BRINP1: variants seen among roughly 807,000 people sequenced by gnomAD.
The protein encoded by BRINP1 is BMP/retinoic acid inducible neural specific 1.
BRINP1 carries 17 observed loss-of-function variants against 72.9 expected under a neutral mutation model. That is an observed-to-expected ratio of 0.23 (90% CI 0.16 to 0.35). The LOEUF is 0.35. Ranked by LOEUF, BRINP1 falls within the 10% of genes least tolerant of loss-of-function variation. The probability of loss-of-function intolerance (pLI) is 1.00; values close to 1 mark genes in which losing one functional copy is unlikely to be tolerated. For missense variants in BRINP1, 850 were observed against 1,001.6 expected, an observed-to-expected ratio of 0.85 and a Z score of 2.04; for synonymous variants, 418 against 378.5, an observed-to-expected ratio of 1.10 and a Z score of -1.21.
chr9:119,183,761 T>C (rs1829581960), intron 7 of BRINP1, among the ~76,000 whole-genome samples: 1 of 152,316 alleles, frequency 6.6e-6, no homozygotes, highest in Non-Finnish European at 1.5e-5. Context: ...ATTTTGATCC[T>C]CACAATTGAT....
rs374043618 is a variant in BRINP1 at position 119,211,991 on chromosome 9, G to GT, written c.922+1927dup. Among the ~76,000 whole-genome samples the GT allele has an allele frequency of 2.7e-3, 404 of 148,216 alleles. 4 individuals are homozygous for GT. Among genetic ancestry groups the GT allele is most frequent in the South Asian group, 0.025 (114 of 4,644 alleles). The stretch of plus-strand genomic sequence containing the variant: ...TGTGCATATAGCCTAAATTCCCTCT[G>GT]TTTTTTTTTTGTTTGTTTTTGTTTT... On this transcript the variant is annotated intron_variant, in intron 6 of 7. Transcript: ENST00000265922.
chr9:119,343,839 A>G (rs1831426702), intron 1 of BRINP1, among the ~76,000 whole-genome samples: 1 of 152,176 alleles, frequency 6.6e-6, no homozygotes, highest in South Asian at 2.1e-4. Flanking sequence ...ACTCAACAAT[A>G]TATGATTGTT....
chr9:119,325,319 C>T (rs2119007137), intron 1 of BRINP1, among the ~76,000 whole-genome samples: 1 of 152,298 alleles, frequency 6.6e-6, no homozygotes, highest in South Asian at 2.1e-4. Flanking sequence ...ACTTTCCTGT[C>T]TCCCAGTATT....
intron 3 of BRINP1, among the ~76,000 whole-genome samples, 198 bp downstream of exon 3, chr9:119,248,762 G>A (rs984523984): frequency 6.6e-6 from 1 of 152,192 alleles, no homozygotes; most frequent in Non-Finnish European, 1.5e-5. Flanking sequence ...AAATTAGACT[G>A]TCCCATAGAA....
intron 1 of BRINP1, among the ~76,000 whole-genome samples, chr9:119,353,944 C>CA (rs1831532353): frequency 7.2e-6 from 1 of 138,856 alleles, no homozygotes; most frequent in Non-Finnish European, 1.5e-5. Flanking sequence ...AGATCTGGAA[C>CA]AATCTTGGAG....
At chr9:119,212,621 C>A (rs1401849967) in intron 6 of BRINP1, among the ~76,000 whole-genome samples, 1 of 152,172 alleles carries the variant, frequency 6.6e-6, no homozygotes, top group Non-Finnish European at 1.5e-5. Flanking sequence ...GTTAGTACTT[C>A]CTTTAAGGTG....
At chr9:119,305,040 C>A (rs2118987512) in intron 2 of BRINP1, among the ~76,000 whole-genome samples, 1 of 152,354 alleles carries the variant, frequency 6.6e-6, no homozygotes, top group South Asian at 2.1e-4. Context: ...GCTAATCACA[C>A]ATGGTACAAT....
chr9:119,223,361 T>A (rs888038865), intron 5 of BRINP1, among the ~76,000 whole-genome samples: 28 of 152,086 alleles, frequency 1.8e-4, no homozygotes, highest in African/African-American at 6.8e-4. Flanking sequence ...ATAGCACTTG[T>A]GGAGCTCTTA....
intron 1 of BRINP1, among the ~76,000 whole-genome samples, chr9:119,350,152 C>T (rs1157914614): frequency 1.3e-5 from 2 of 152,160 alleles, no homozygotes; most frequent in African/African-American, 2.4e-5. Context: ...CAACATCCAA[C>T]GTGTGGTGGG....
At chr9:119,347,988 T>C (rs1049116406) in intron 1 of BRINP1, among the ~76,000 whole-genome samples, 1 of 152,138 alleles carries the variant, frequency 6.6e-6, no homozygotes, top group African/African-American at 2.4e-5. Context: ...CCAAAGTCCA[T>C]AGTTTACATT....
At chr9:119,219,683 GAGA>G (rs1291658605) in intron 5 of BRINP1, among the ~76,000 whole-genome samples, 1 of 136,668 alleles carries the variant, frequency 7.3e-6, no homozygotes, top group African/African-American at 3.3e-5. Context: ...GAGAGAGAGA[GAGA>G]GAGAGAGAGA....
At chr9:119,172,232 C>A (rs548957925) in intron 7 of BRINP1, among the ~76,000 whole-genome samples, 47 of 152,262 alleles carry the variant, frequency 3.1e-4, no homozygotes, top group African/African-American at 1.1e-3. Context: ...TGATAGACTA[C>A]TAGCAAGACT....
chr9:119,167,545 T>C lies in BRINP1; in HGVS notation c.1825A>G (p.Lys609Glu). 6.2e-7 allele frequency: 1 copy of C among 1,614,126 alleles called. No individual in the cohort carries two copies. Among genetic ancestry groups the C allele is most frequent in the Non-Finnish European group, 8.5e-7 (1 of 1,180,010 alleles). Residue 609 changes from lysine to glutamate, a missense_variant, in exon 8 of 8, where the codon AAA (lysine) becomes GAA (glutamate). Transcript: ENST00000265922. The surrounding 1 kb of genome is among the most constrained non-coding windows in gnomAD (Gnocchi z 4.3). The stretch of plus-strand genomic sequence containing the variant: ...ATGTGGACCGTCTCGAAAAATGTTT[T>C]CCACCGATTGCCCAGCAAAAGAGTC... Reference protein sequence around the residue: ...NWTLLLGNRWKTFFETVHIYL... With the variant: ...NWTLLLGNRWETFFETVHIYL...
chr9:119,299,018 CTCAA>C (rs934735544), intron 2 of BRINP1, among the ~76,000 whole-genome samples: 7 of 151,948 alleles, frequency 4.6e-5, no homozygotes, highest in African/African-American at 1.2e-4. Context: ...TGAGGAATGG[CTCAA>C]TCAAATTAAT....
chr9:119,340,369 T>C (rs1289793465), intron 1 of BRINP1, among the ~76,000 whole-genome samples: 2 of 151,556 alleles, frequency 1.3e-5, no homozygotes, highest in African/African-American at 4.9e-5. Context: ...GGGGCTAAAA[T>C]CCATGAGTAG....
At chr9:119,353,912 T>C (rs1015756063) in intron 1 of BRINP1, among the ~76,000 whole-genome samples, 1 of 146,960 alleles carries the variant, frequency 6.8e-6, no homozygotes, top group African/African-American at 2.5e-5. Context: ...GGAAGCACTA[T>C]TTAGACAGAG....
intron 2 of BRINP1, among the ~76,000 whole-genome samples, chr9:119,261,205 C>T (rs753647203): frequency 3.3e-5 from 5 of 152,020 alleles, no homozygotes; most frequent in South Asian, 4.2e-4. Flanking sequence ...CAGAATCCAA[C>T]GGGTGGTTGG....
At chr9:119,293,332 T>C (rs975664842) in intron 2 of BRINP1, among the ~76,000 whole-genome samples, 1 of 152,154 alleles carries the variant, frequency 6.6e-6, no homozygotes, top group African/African-American at 2.4e-5. Context: ...TCTCTTCTTG[T>C]AAATGTCACC....
At chr9:119,358,593 C>A (rs149573692) in intron 1 of BRINP1, among the ~76,000 whole-genome samples, 25 of 152,218 alleles carry the variant, frequency 1.6e-4, no homozygotes, top group African/African-American at 5.8e-4. Context: ...ACTCAGGAGG[C>A]TGAGGCAGGA....
Sources: allele counts gnomAD v4.1 joint callset (sites outside exome capture counted in the v4.1 genomes callset), GRCh38; gene constraint gnomAD v4.1.1; non-coding constraint Gnocchi (gnomAD v3.1); transcripts MANE v1.5; gene names NCBI Gene and HGNC (gene_info 2026-07-23, HGNC 2026-07-21).